Variants in CAMSAP2 observed in about 807,000 individuals in gnomAD.
CAMSAP2 encodes calmodulin regulated spectrin associated protein family member 2, also known as calmodulin-regulated spectrin-associated protein 2.
In CAMSAP2, 26 loss-of-function variants were observed where a neutral mutation model predicts 146.1. That is an observed-to-expected ratio of 0.18 (90% CI 0.13 to 0.25). CAMSAP2 has a LOEUF of 0.25. Among genes scored for constraint, CAMSAP2 ranks in the 10% least tolerant of loss-of-function variants. CAMSAP2 has a pLI of 1.00. For missense variants in CAMSAP2, 1,381 were observed against 1,759.3 expected (o/e 0.78, Z 3.85); for synonymous variants, 499 against 596.6 (o/e 0.84, Z 2.38).
chr1:200,847,209 G>T lies in CAMSAP2; in HGVS notation c.1110-1G>T. On this transcript the variant is annotated splice_acceptor_variant, in intron 8 of 16. Transcript: ENST00000358823. LOFTEE classifies it high-confidence loss of function. Reference sequence around the variant, plus strand: ...CATTTTAAATTTATTTTCCATTGCAGTGGGGAAGGAGCTACATTTACACAG... The same window carrying T: ...CATTTTAAATTTATTTTCCATTGCATTGGGGAAGGAGCTACATTTACACAG... 6.2e-7 allele frequency: 1 copy of T among 1,600,804 alleles called. No individual in the cohort carries two copies.
chr1:200,804,434 T>A (rs1228284082), intron 2 of CAMSAP2, among the ~76,000 whole-genome samples: 2 of 152,206 alleles, frequency 1.3e-5, no homozygotes, highest in Non-Finnish European at 2.9e-5. Flanking sequence ...AATATTATAA[T>A]GGTTATTTTT....
Position 200,854,815 on chromosome 1 carries a change from A to C in CAMSAP2, c.3824-2A>C, listed in dbSNP as rs758815288. On this transcript the variant is annotated splice_acceptor_variant, in intron 13 of 16. Transcript: ENST00000358823. LOFTEE classifies it high-confidence loss of function. ...GATCATGAATTTATCGTGTTTTTTCAGTCTCTAGCCTTTCTTTGGCATCGC... is the reference window on the plus strand; with the variant it reads ...GATCATGAATTTATCGTGTTTTTTCCGTCTCTAGCCTTTCTTTGGCATCGC... 6.2e-7 allele frequency: 1 copy of C among 1,603,952 alleles called. No individual in the cohort carries two copies. Among genetic ancestry groups the C allele is most frequent in the Non-Finnish European group, 8.5e-7 (1 of 1,176,266 alleles).
At chr1:200,794,424 T>C (rs1179058104) in intron 2 of CAMSAP2, among the ~76,000 whole-genome samples, 1 of 152,212 alleles carries the variant, frequency 6.6e-6, no homozygotes, top group Non-Finnish European at 1.5e-5. Context: ...CTGTGAAGCC[T>C]TGGGTTTATA....
chr1:200,831,053 TATAA>T (rs530797392), intron 4 of CAMSAP2, among the ~76,000 whole-genome samples: 160 of 152,102 alleles, frequency 1.1e-3, no homozygotes, highest in African/African-American at 3.7e-3. Flanking sequence ...TGTTTTATCT[TATAA>T]TTATATTTTA....
chr1:200,767,477 CTTTT>C (rs11298176), intron 2 of CAMSAP2, among the ~76,000 whole-genome samples: 2 of 138,134 alleles, frequency 1.4e-5, no homozygotes, highest in Non-Finnish European at 1.6e-5. Context: ...TGTTGTCCCT[CTTTT>C]TTTTTTTTTT....
chr1:200,836,489 G>A (rs538224176), intron 6 of CAMSAP2, among the ~76,000 whole-genome samples: 1 of 152,146 alleles, frequency 6.6e-6, no homozygotes, highest in Admixed American at 6.5e-5. Flanking sequence ...ATCCAGTCTA[G>A]CGTCAATGGG....
rs747502447 is a variant in CAMSAP2, at chr1:200,860,087, A to G, written c.*2028A>G. The stretch of plus-strand genomic sequence containing the variant: ...TGTGTGTGTCCAACAGTTGAATTGA[A>G]TGTCTATAAGGTCTAAAGGTAGAAT... On this transcript the variant is annotated 3_prime_UTR_variant, in exon 17 of 17. Coordinates refer to ENST00000358823, the MANE Select transcript of CAMSAP2 (RefSeq NM_203459.4). The G allele has an allele frequency of 2.0e-5, 3 of 152,830 alleles. No homozygotes were observed. Among genetic ancestry groups the G allele is most frequent in the Non-Finnish European group, 4.4e-5 (3 of 67,972 alleles). The allele number at this position is 152,830 out of a possible 1,614,324, so 9.5% of individuals were successfully genotyped here.
intron 4 of CAMSAP2, among the ~76,000 whole-genome samples, chr1:200,830,298 G>A (rs1276983092): frequency 1.4e-5 from 2 of 144,026 alleles, no homozygotes; most frequent in Non-Finnish European, 3.1e-5. Context: ...GTCATATAAA[G>A]CTGTGTGTGT....
intron 11 of CAMSAP2, among the ~76,000 whole-genome samples, chr1:200,851,279 C>T (rs186577408): frequency 1.3e-5 from 2 of 152,314 alleles, no homozygotes; most frequent in Admixed American, 1.3e-4. Flanking sequence ...CGGCTTACCA[C>T]AACCTCCGCC....
At chr1:200,766,394 T>G (rs996414600) in intron 2 of CAMSAP2, among the ~76,000 whole-genome samples, 4 of 152,152 alleles carry the variant, frequency 2.6e-5, no homozygotes, top group African/African-American at 9.7e-5. Context: ...ATGCTGGGAT[T>G]ACAGGTGTGA....
chr1:200,787,627 T>G (rs1665631118), intron 2 of CAMSAP2, among the ~76,000 whole-genome samples: 1 of 152,192 alleles, frequency 6.6e-6, no homozygotes, highest in Non-Finnish European at 1.5e-5. Flanking sequence ...TTTACAGTAT[T>G]ATATATCAAG....
At chr1:200,761,865 G>A (rs1664812513) in intron 2 of CAMSAP2, among the ~76,000 whole-genome samples, 1 of 152,134 alleles carries the variant, frequency 6.6e-6, no homozygotes, top group African/African-American at 2.4e-5. Context: ...AGGCCTCTAA[G>A]CTGGCCTGGG....
intron 2 of CAMSAP2, among the ~76,000 whole-genome samples, chr1:200,775,832 G>C (rs1486384020): frequency 6.6e-6 from 1 of 152,110 alleles, no homozygotes; most frequent in Non-Finnish European, 1.5e-5. Flanking sequence ...TGCCTGGCCA[G>C]AATGTTTGTA....
At chr1:200,820,582 T>C (rs1262201619) in intron 4 of CAMSAP2, among the ~76,000 whole-genome samples, 1 of 152,218 alleles carries the variant, frequency 6.6e-6, no homozygotes, top group Non-Finnish European at 1.5e-5. Flanking sequence ...TATACCTCTT[T>C]GCCTGATTAC....
intron 2 of CAMSAP2, among the ~76,000 whole-genome samples, chr1:200,770,193 C>T (rs1665076989): frequency 6.6e-6 from 1 of 152,102 alleles, no homozygotes; most frequent in Non-Finnish European, 1.5e-5. Context: ...AAATTGAGTA[C>T]ACTTTACAAA....
intron 2 of CAMSAP2, among the ~76,000 whole-genome samples, chr1:200,799,503 G>T (rs1272909968): frequency 6.6e-6 from 1 of 152,142 alleles, no homozygotes; most frequent in Non-Finnish European, 1.5e-5. Context: ...TATTTCTGTG[G>T]TATCAGTGGT....
intron 6 of CAMSAP2, among the ~76,000 whole-genome samples, chr1:200,833,500 C>T (rs990235996): frequency 2.6e-5 from 4 of 151,756 alleles, no homozygotes; most frequent in East Asian, 1.9e-4. Flanking sequence ...GCAGAGGTTG[C>T]GGTGAGCTGA....
intron 2 of CAMSAP2, among the ~76,000 whole-genome samples, chr1:200,783,147 A>G (rs751511420): frequency 2.1e-4 from 32 of 151,868 alleles, no homozygotes; most frequent in Non-Finnish European, 3.1e-4. Context: ...TGTACTTTCT[A>G]TTTCACCACC....
chr1:200,770,466 T>C (rs949637078), intron 2 of CAMSAP2, among the ~76,000 whole-genome samples: 44 of 150,884 alleles, frequency 2.9e-4, no homozygotes, highest in Admixed American at 2.8e-3. Flanking sequence ...CAAGCTGGAG[T>C]GCAGTGGCGC....
Sources: gnomAD v4.1 joint callset for allele counts (sites outside exome capture counted in the v4.1 genomes callset) on GRCh38, gnomAD v4.1.1 for gene constraint, MANE v1.5 for transcripts, NCBI Gene and HGNC (gene_info 2026-07-23, HGNC 2026-07-21) for gene names.